The following FARS2 variants were observed in gnomAD, a reference collection of about 807,000 sequenced individuals.
FARS2 encodes the protein phenylalanine--tRNA ligase, mitochondrial.
In FARS2, 40 loss-of-function variants were observed where a neutral mutation model predicts 46.4. The observed-to-expected ratio is 0.86, with a 90% CI of 0.67 to 1.12. The LOEUF (loss-of-function observed/expected upper bound fraction) is 1.12, where lower values mean the gene tolerates loss of function less well. Ranked by LOEUF, FARS2 falls within the 50% of genes most tolerant of loss-of-function variation. FARS2 has a pLI of 0.00. For missense variants in FARS2, 513 were observed against 567.9 expected (o/e 0.90, Z 0.98); for synonymous variants, 234 against 214.9 (o/e 1.09, Z -0.78).
intron 5 of FARS2, among the ~76,000 whole-genome samples, chr6:5,594,582 T>C (rs1774094143): frequency 6.6e-6 from 1 of 152,132 alleles, no homozygotes; most frequent in Non-Finnish European, 1.5e-5. Context: ...GAGGTTATCA[T>C]GGAGGTAGAT....
In FARS2 at chr6:5,620,691, C is replaced by CTT. The variant is rs565344799; in HGVS notation, c.1217+7372_1217+7373dup. Among the ~76,000 whole-genome samples, 77 of 152,320 alleles carry CTT rather than the reference C, an allele frequency of 5.1e-4. 2 individuals carry two copies. In the South Asian group the frequency reaches 0.016, roughly 31 times the overall value. ...CACCTGGGCCCCGAGTCCACATGAC[C>CTT]TTCACTGTCCAGCAATCAGCACCAA... On this transcript the variant is annotated intron_variant, in intron 6 of 6. Coordinates refer to ENST00000274680, the MANE Select transcript of FARS2 (RefSeq NM_006567.5).
chr6:5,736,323 C>T (rs1439295686), intron 6 of FARS2, among the ~76,000 whole-genome samples: 1 of 152,212 alleles, frequency 6.6e-6, no homozygotes, highest in African/African-American at 2.4e-5. Context: ...CTGCCATATT[C>T]TCTTGAACAC....
chr6:5,754,860 C>T (rs1002468070), intron 6 of FARS2, among the ~76,000 whole-genome samples: 1 of 152,194 alleles, frequency 6.6e-6, no homozygotes, highest in Non-Finnish European at 1.5e-5. Context: ...AGTTTCATTA[C>T]AATGTGACTA....
chr6:5,745,537 C>A (rs370817602), intron 6 of FARS2, among the ~76,000 whole-genome samples: 1 of 152,154 alleles, frequency 6.6e-6, no homozygotes, highest in African/African-American at 2.4e-5. Context: ...ATAAATCAAT[C>A]GATGAGTCTT....
At chr6:5,704,008 C>T (rs757569589) in intron 6 of FARS2, among the ~76,000 whole-genome samples, 38 of 152,184 alleles carry the variant, frequency 2.5e-4, no homozygotes, top group Non-Finnish European at 4.6e-4. Flanking sequence ...CTTTAGTGAG[C>T]TTTAGAAACA....
chr6:5,535,947 T>C (rs9405842), intron 4 of FARS2, among the ~76,000 whole-genome samples: 62,705 of 152,044 alleles, frequency 0.41, 13,702 homozygotes, highest in East Asian at 0.76. Flanking sequence ...GGTAATTTCT[T>C]GAGGAGTTTA....
At chr6:5,644,530 C>G (rs1489256087) in intron 6 of FARS2, among the ~76,000 whole-genome samples, 1 of 152,066 alleles carries the variant, frequency 6.6e-6, no homozygotes, top group East Asian at 1.9e-4. Context: ...TCCTTTTAAC[C>G]CTTGTTTTCA....
Position 5,727,772 on chromosome 6 carries a change from C to G in FARS2, c.1218-43519C>G, listed in dbSNP as rs1016231848. Among the ~76,000 whole-genome samples the G allele has an allele frequency of 2.0e-5, 3 of 152,236 alleles. No homozygotes were observed. The highest frequency in any genetic ancestry group is 7.2e-5 in the African/African-American group (3 of 41,458). On this transcript the variant is annotated intron_variant, in intron 6 of 6. Transcript: ENST00000274680. The surrounding 1 kb of genome is among the most constrained non-coding windows in gnomAD (Gnocchi z 4.1). ...TCCAATGCACTCTGACAGCTCAAAA[C>G]ACTTCCTCGAGCTTCTATACATTCT...
chr6:5,726,703 C>T (rs971788723), intron 6 of FARS2, among the ~76,000 whole-genome samples: 11 of 152,224 alleles, frequency 7.2e-5, no homozygotes, highest in Admixed American at 7.2e-4. Context: ...AGATGGAGGG[C>T]TCCAGAGGGT....
intron 3 of FARS2, among the ~76,000 whole-genome samples, chr6:5,406,149 C>T (rs1761580115): frequency 6.6e-6 from 1 of 152,136 alleles, no homozygotes; most frequent in South Asian, 2.1e-4. Flanking sequence ...TCTGAGAAGA[C>T]AGATGACCTA....
chr6:5,677,279 A>T (rs886613578), intron 6 of FARS2, among the ~76,000 whole-genome samples: 3 of 152,214 alleles, frequency 2.0e-5, no homozygotes, highest in Non-Finnish European at 4.4e-5. Flanking sequence ...CTGAAGAGGA[A>T]CCGTAAAGTA....
chr6:5,288,804 A>G (rs1342730364), intron 1 of FARS2, among the ~76,000 whole-genome samples: 1 of 152,240 alleles, frequency 6.6e-6, no homozygotes, highest in Non-Finnish European at 1.5e-5. Flanking sequence ...GTGAGAGGAA[A>G]CAGCTATTGT....
chr6:5,691,260 G>C (rs950661225), intron 6 of FARS2, among the ~76,000 whole-genome samples: 2 of 152,152 alleles, frequency 1.3e-5, no homozygotes, highest in South Asian at 2.1e-4. Flanking sequence ...AGGAGGAGAG[G>C]TGCTCTGATT....
intron 1 of FARS2, among the ~76,000 whole-genome samples, chr6:5,350,619 A>G (rs930943489): frequency 2.0e-5 from 3 of 152,188 alleles, no homozygotes; most frequent in South Asian, 2.1e-4. Flanking sequence ...ACATTTGGAC[A>G]TCCCTAGGAA....
intron 4 of FARS2, among the ~76,000 whole-genome samples, chr6:5,523,136 T>A (rs529339874): frequency 6.6e-6 from 1 of 152,360 alleles, no homozygotes; most frequent in African/African-American, 2.4e-5. Context: ...AGAGTCTTCC[T>A]CATTCAGAGT....
intron 2 of FARS2, among the ~76,000 whole-genome samples, chr6:5,389,728 G>A (rs1760368736): frequency 6.6e-6 from 1 of 152,130 alleles, no homozygotes; most frequent in Non-Finnish European, 1.5e-5. Flanking sequence ...TTGTCTTAAT[G>A]TTACAATGGA....
intron 4 of FARS2, among the ~76,000 whole-genome samples, chr6:5,520,859 T>C (rs146069894): frequency 1.3e-3 from 195 of 152,302 alleles, no homozygotes; most frequent in African/African-American, 3.9e-3. Flanking sequence ...TTGACATGTA[T>C]GTGTGTTAGT....
At chr6:5,455,101 TG>T (rs1475038834) in intron 4 of FARS2, among the ~76,000 whole-genome samples, 1 of 152,172 alleles carries the variant, frequency 6.6e-6, no homozygotes, top group Non-Finnish European at 1.5e-5. Flanking sequence ...ACAGAGCGGG[TG>T]GTCACGTGTA....
Position 5,481,662 on chromosome 6 carries a change from A to G in FARS2, c.904+50490A>G, listed in dbSNP as rs544323820. Among the ~76,000 whole-genome samples the G allele has an allele frequency of 4.1e-4, 62 of 152,230 alleles. 1 individual carries two copies. Among genetic ancestry groups the G allele is most frequent in the African/African-American group, 1.4e-3 (59 of 41,538 alleles). ...ACAGTCCTATTTATTTATTGCTTGC[A>G]TTTGGCATGCACAGCTTCAAGAGAA... is the stretch of plus-strand genomic sequence containing the variant. On this transcript the variant is annotated intron_variant, in intron 4 of 6. Transcript: ENST00000274680.
Sources: allele counts gnomAD v4.1 joint callset (sites outside exome capture counted in the v4.1 genomes callset), GRCh38; gene constraint gnomAD v4.1.1; non-coding constraint Gnocchi (gnomAD v3.1); transcripts MANE v1.5; gene names NCBI Gene and HGNC (gene_info 2026-07-23, HGNC 2026-07-21).